The following CACNA1E variants were observed in gnomAD, a reference collection of about 807,000 sequenced individuals.
CACNA1E encodes the protein calcium voltage-gated channel subunit alpha1 E.
CACNA1E carries 40 observed loss-of-function variants against 259.2 expected under a neutral mutation model. The ratio of observed to expected loss-of-function variants is 0.15; its 90% CI spans 0.12 to 0.20. CACNA1E has a LOEUF of 0.20. CACNA1E is among the 10% of genes least tolerant of loss of function. CACNA1E has a pLI of 1.00. For synonymous variants in CACNA1E, 1,104 were observed against 1,138.5 expected (o/e 0.97, Z 0.61); for missense variants, 1,874 against 3,040.1 (o/e 0.62, Z 9.02).
At chr1:181,579,444 T>C (rs559702080) in intron 5 of CACNA1E, among the ~76,000 whole-genome samples, 2 of 152,304 alleles carry the variant, frequency 1.3e-5, no homozygotes, top group South Asian at 4.1e-4. Flanking sequence ...GTTGGAAGAT[T>C]TCAAATAGAT....
chr1:181,322,118 G>C (rs1212937901), intron 1 of CACNA1E, among the ~76,000 whole-genome samples: 1 of 152,182 alleles, frequency 6.6e-6, no homozygotes, highest in Admixed American at 6.5e-5. Flanking sequence ...CCTCAGCCCA[G>C]TTCTGGTCTG....
At chr1:181,578,176 TC>T (rs1257754792) in intron 4 of CACNA1E, among the ~76,000 whole-genome samples, 2 of 152,204 alleles carry the variant, frequency 1.3e-5, no homozygotes, top group Non-Finnish European at 2.9e-5. Flanking sequence ...TTTTCATTTT[TC>T]CCCTGTGCAT....
intron 1 of CACNA1E, among the ~76,000 whole-genome samples, chr1:181,355,675 T>A (rs943356990): frequency 6.6e-6 from 1 of 152,102 alleles, no homozygotes; most frequent in Non-Finnish European, 1.5e-5. Context: ...GGTCCCATGA[T>A]TAAGTGCTCA....
Position 181,391,939 on chromosome 1 carries a change from C to CTGTGTGTG in CACNA1E, c.-14-21193_-14-21192insGTGTGTGT, listed in dbSNP as rs1227455808. 3.0e-3 allele frequency among the ~76,000 whole-genome samples: 332 copies of CTGTGTGTG among 110,980 alleles called. 1 individual carries two copies. Among genetic ancestry groups the CTGTGTGTG allele is most frequent in the African/African-American group, 4.7e-3 (115 of 24,272 alleles). 72.8% of individuals were successfully genotyped at this position (110,980 alleles called of 152,430 possible). A position where few individuals can be genotyped will look rare whatever the true frequency, so the allele number is the denominator to read the frequency against. On this transcript the variant is annotated intron_variant, in intron 1 of 11. Coordinates refer to the CACNA1E transcript ENST00000524607. ...TCTCTCTCTCTGTCTCTCTCTCTCT[C>CTGTGTGTG]TCTCTCTGTGTGTGTGTGTGTGTGT...
At chr1:181,413,809 C>A (rs1451136481) in intron 2 of CACNA1E, among the ~76,000 whole-genome samples, 2 of 152,220 alleles carry the variant, frequency 1.3e-5, no homozygotes. Context: ...GTTCAGCTGT[C>A]AGATGTGGGT....
chr1:181,401,912 C>T (rs188397277), intron 1 of CACNA1E, among the ~76,000 whole-genome samples: 2 of 152,082 alleles, frequency 1.3e-5, no homozygotes, highest in Non-Finnish European at 1.5e-5. Context: ...CCTTAAATAC[C>T]GCCTATTTAT....
chr1:181,781,836 G>T (rs1311198781), intron 39 of CACNA1E, among the ~76,000 whole-genome samples: 4 of 152,194 alleles, frequency 2.6e-5, no homozygotes, highest in African/African-American at 9.7e-5. Flanking sequence ...TTTAGAGGAG[G>T]CAGAGTGGTG....
intron 2 of CACNA1E, among the ~76,000 whole-genome samples, chr1:181,464,423 T>C (rs1662020933): frequency 6.6e-6 from 1 of 152,056 alleles, no homozygotes; most frequent in Admixed American, 6.6e-5. Context: ...TGAAAATTTT[T>C]CTTTACATCT....
At chr1:181,728,574 G>A (rs1398577959) in intron 18 of CACNA1E, among the ~76,000 whole-genome samples, 4 of 152,020 alleles carry the variant, frequency 2.6e-5, no homozygotes, top group East Asian at 1.9e-4. Context: ...CTGCAAAGAC[G>A]TGTGCACCCT....
At chr1:181,767,242 CCAGGTATTTATG>C (rs1342329765) in intron 35 of CACNA1E, among the ~76,000 whole-genome samples, 3 of 152,066 alleles carry the variant, frequency 2.0e-5, no homozygotes, top group Non-Finnish European at 4.4e-5. Context: ...TTTTCCCATC[CCAGGTATTTATG>C]CAGGTAGCCA....
At chr1:181,400,924 C>T (rs904677669) in intron 1 of CACNA1E, among the ~76,000 whole-genome samples, 4 of 152,186 alleles carry the variant, frequency 2.6e-5, no homozygotes, top group African/African-American at 9.7e-5. Flanking sequence ...CTGTCCTCAC[C>T]AGCAGCTACA....
chr1:181,537,352 G>A (rs1668257083), intron 3 of CACNA1E, among the ~76,000 whole-genome samples: 1 of 152,004 alleles, frequency 6.6e-6, no homozygotes, highest in Non-Finnish European at 1.5e-5. Flanking sequence ...ACCCACCTTG[G>A]CCTCCCAAAG....
chr1:181,538,924 C>A (rs1308483506), intron 3 of CACNA1E, among the ~76,000 whole-genome samples: 2 of 152,216 alleles, frequency 1.3e-5, no homozygotes, highest in African/African-American at 4.8e-5. Flanking sequence ...TATAATTCTG[C>A]AATTCTTTGC....
chr1:181,515,320 T>C (rs1048872284), intron 3 of CACNA1E, among the ~76,000 whole-genome samples: 1 of 152,338 alleles, frequency 6.6e-6, no homozygotes, highest in South Asian at 2.1e-4. Flanking sequence ...AAAGAAGGCA[T>C]GTCACTTTAA....
intron 1 of CACNA1E, among the ~76,000 whole-genome samples, chr1:181,496,146 TATCTAC>T (rs1664732107): frequency 6.6e-6 from 1 of 152,226 alleles, no homozygotes; most frequent in African/African-American, 2.4e-5. Flanking sequence ...AAATTTAAAA[TATCTAC>T]ATCAAAACCT....
intron 2 of CACNA1E, among the ~76,000 whole-genome samples, chr1:181,421,395 T>G (rs562187714): frequency 6.6e-6 from 1 of 152,236 alleles, no homozygotes; most frequent in East Asian, 1.9e-4. Flanking sequence ...AGCACCAGGG[T>G]TATTCTGGGC....
intron 6 of CACNA1E, among the ~76,000 whole-genome samples, chr1:181,606,849 C>G (rs1455547103): frequency 6.6e-6 from 1 of 152,186 alleles, no homozygotes; most frequent in African/African-American, 2.4e-5. Context: ...GCGGCCCCTC[C>G]CATTTGGGCT....
At chr1:181,789,925 A>G (rs1558395095) in intron 43 of CACNA1E, among the ~76,000 whole-genome samples, 1 of 152,204 alleles carries the variant, frequency 6.6e-6, no homozygotes, top group Non-Finnish European at 1.5e-5. Flanking sequence ...TCATGAACCA[A>G]CAGACTTAAT....
rs373361032 is a variant in CACNA1E at position 181,720,294 on chromosome 1, A to G, written c.1840A>G (p.Ile614Val). 16 of 1,613,492 alleles carry G rather than the reference A, an allele frequency of 9.9e-6. No homozygotes were observed. Among genetic ancestry groups the G allele is most frequent in the African/African-American group, 2.7e-5 (2 of 74,806 alleles). The change falls in exon 14 of 48, where the codon ATC (isoleucine) becomes GTC (valine). Residue 614 changes from isoleucine to valine, a missense_variant. Physicochemically the swap from Ile to Val is conservative, Grantham distance 29. Coordinates refer to ENST00000367573, the MANE Select transcript of CACNA1E (RefSeq NM_001205293.3). Reference protein sequence around the residue: ...ISLLFLLFLFIVVFALLGMQL... With the variant: ...ISLLFLLFLFVVVFALLGMQL... ...TTTGCTTTTCCTCCTCTTCCTCTTCATCGTTGTCTTTGCTCTCCTAGGAAT... is the reference window on the plus strand; with the variant it reads ...TTTGCTTTTCCTCCTCTTCCTCTTCGTCGTTGTCTTTGCTCTCCTAGGAAT...
Sources: allele counts gnomAD v4.1 joint callset (sites outside exome capture counted in the v4.1 genomes callset), GRCh38; gene constraint gnomAD v4.1.1; transcripts MANE v1.5; gene names NCBI Gene and HGNC (gene_info 2026-07-23, HGNC 2026-07-21).